CD84: variants seen among roughly 807,000 people sequenced by gnomAD.
CD84 encodes the protein SLAM family member 5.
In CD84, 22 loss-of-function variants were observed where a neutral mutation model predicts 33.8. The ratio of observed to expected loss-of-function variants is 0.65; its 90% CI spans 0.46 to 0.93. The LOEUF is 0.93. CD84 is among the 40% of genes least tolerant of loss of function. The pLI is 0.00. For missense variants in CD84, 400 were observed against 397.6 expected (o/e 1.01, Z -0.05); for synonymous variants, 154 against 145.2 (o/e 1.06, Z -0.44).
At chr1:160,551,248 C>G in intron 4 of CD84, 1 of 525,846 alleles carries the variant, frequency 1.9e-6, no homozygotes, top group Non-Finnish European at 3.4e-6. Flanking sequence ...CTCTTCTACT[C>G]TAGAGTCCAG....
At chr1:160,555,383 A>G (rs1656543424) in intron 2 of CD84, among the ~76,000 whole-genome samples, 1 of 152,148 alleles carries the variant, frequency 6.6e-6, no homozygotes, top group Non-Finnish European at 1.5e-5. Context: ...GCACCCAGCC[A>G]AAATAATCTT....
intron 2 of CD84, among the ~76,000 whole-genome samples, chr1:160,556,395 A>T (rs952451948): frequency 6.6e-6 from 1 of 152,134 alleles, no homozygotes; most frequent in Non-Finnish European, 1.5e-5. Flanking sequence ...GAGGGTAAAA[A>T]TTTTTCCCTA....
At chr1:160,569,263 C>T (rs980581745) in intron 1 of CD84, among the ~76,000 whole-genome samples, 3 of 152,146 alleles carry the variant, frequency 2.0e-5, no homozygotes, top group Non-Finnish European at 4.4e-5. Context: ...CTTTATTCTG[C>T]TCTTAAAAGA....
intron 6 of CD84, 109 bp from the exon 7 acceptor site, chr1:160,548,430 A>C (rs1314731112): frequency 8.9e-7 from 1 of 1,119,608 alleles, no homozygotes; most frequent in Non-Finnish European, 1.3e-6. Flanking sequence ...GGAATGCCTT[A>C]GATTTGCCTC....
intron 1 of CD84, among the ~76,000 whole-genome samples, chr1:160,576,509 A>G (rs1657999350): frequency 6.6e-6 from 1 of 152,152 alleles, no homozygotes. Context: ...GGGTATAGAG[A>G]AAGGCACAGA....
intron 1 of CD84, among the ~76,000 whole-genome samples, chr1:160,575,470 G>T (rs1409096510): frequency 2.0e-5 from 3 of 149,836 alleles, no homozygotes; most frequent in Admixed American, 6.7e-5. Context: ...TGGGATTTAG[G>T]TTTACTTGAA....
At chr1:160,578,605 A>G (rs114823986) in intron 1 of CD84, among the ~76,000 whole-genome samples, 1,618 of 152,306 alleles carry the variant, frequency 0.011, 13 homozygotes, top group East Asian at 0.025. Flanking sequence ...AGTTCCAAAC[A>G]TAGTAAATTT....
At chr1:160,550,333 G>GCACAGCA (rs1451393106) in intron 5 of CD84, among the ~76,000 whole-genome samples, 1 of 152,032 alleles carries the variant, frequency 6.6e-6, no homozygotes, top group Non-Finnish European at 1.5e-5. Flanking sequence ...GACTGACCAG[G>GCACAGCA]CAGACCTCAG....
At chr1:160,551,103 A>G (rs1656188462) in intron 4 of CD84, 68 bp from the exon 5 acceptor site, 11 of 1,137,792 alleles carry the variant, frequency 9.7e-6, no homozygotes, top group Admixed American at 7.1e-5. Context: ...ATCTATTCCA[A>G]TGTTCTCTTT....
At chr1:160,552,221 T>G (rs1656279172) in intron 4 of CD84, among the ~76,000 whole-genome samples, 1 of 152,168 alleles carries the variant, frequency 6.6e-6, no homozygotes, top group Non-Finnish European at 1.5e-5. Flanking sequence ...CCCTTTCTCT[T>G]CCCAAGAGTC....
Position 160,543,062 on chromosome 1 carries a change from C to A in CD84, c.*5194G>T, listed in dbSNP as rs925162194. 5 of 152,068 alleles carry A rather than the reference C, an allele frequency of 3.3e-5. No homozygotes were observed. The highest frequency in any genetic ancestry group is 4.8e-5 in the African/African-American group (2 of 41,388). 9.4% of individuals were successfully genotyped at this position (152,068 alleles called of 1,614,324 possible). On this transcript the variant is annotated 3_prime_UTR_variant, in exon 7 of 7. Transcript: ENST00000368054. Reference sequence around the variant, plus strand: ...TCATCAGAATGTTTATGACCTGAAACCCCTGCCTGTCCAAAATGCATATAG... The same window carrying A: ...TCATCAGAATGTTTATGACCTGAAAACCCTGCCTGTCCAAAATGCATATAG...
In CD84 at chr1:160,550,964, T is replaced by C. The variant is rs1490685415; in HGVS notation, c.832A>G (p.Ile278Val). 1 of 1,614,004 alleles carries C rather than the reference T, an allele frequency of 6.2e-7. No homozygotes were observed. The highest frequency in any genetic ancestry group is 8.5e-7 in the Non-Finnish European group (1 of 1,179,962). ...TTGGACTGCAGGATTTCATCATAGA[T>C]TCTGGACTCTGCTGGCTGGGTGTTC... ...SRNTQPAESR[I>V]YDEILQSKVL... The change falls in exon 5 of 7, where the codon ATC becomes GTC. Residue 278 changes from isoleucine to valine, a missense_variant. By Grantham distance (29) the Ile-to-Val change is conservative (BLOSUM62 3). Transcript: ENST00000368054.
chr1:160,568,312 G>A (rs1472040057), intron 1 of CD84, among the ~76,000 whole-genome samples: 1 of 152,092 alleles, frequency 6.6e-6, no homozygotes, highest in Non-Finnish European at 1.5e-5. Context: ...AGTCATTCAG[G>A]AAGTGTTGGT....
intron 1 of CD84, among the ~76,000 whole-genome samples, chr1:160,574,999 T>C (rs1489875684): frequency 6.6e-6 from 1 of 152,128 alleles, no homozygotes; most frequent in East Asian, 1.9e-4. Flanking sequence ...TGGGGAGATG[T>C]TAAAGTCAGC....
intron 1 of CD84, among the ~76,000 whole-genome samples, chr1:160,574,909 T>C (rs1438172756): frequency 1.3e-5 from 2 of 152,156 alleles, no homozygotes; most frequent in African/African-American, 4.8e-5. Context: ...ATGTTTGCTA[T>C]GTAAAACAAA....
chr1:160,556,387 G>A (rs1334152443), intron 2 of CD84, among the ~76,000 whole-genome samples: 2 of 152,142 alleles, frequency 1.3e-5, no homozygotes, highest in African/African-American at 4.8e-5. Flanking sequence ...TATAACATGA[G>A]GGTAAAAATT....
chr1:160,570,538 G>T (rs950538937), intron 1 of CD84, among the ~76,000 whole-genome samples: 1 of 152,158 alleles, frequency 6.6e-6, no homozygotes, highest in African/African-American at 2.4e-5. Context: ...AATAAAAATG[G>T]AAGTGTTGTA....
At chr1:160,559,834 G>A (rs1482648148) in intron 2 of CD84, among the ~76,000 whole-genome samples, 1 of 151,984 alleles carries the variant, frequency 6.6e-6, no homozygotes, top group Non-Finnish European at 1.5e-5. Flanking sequence ...TACAATCCTA[G>A]TTTCTGACAA....
intron 4 of CD84, chr1:160,551,346 A>G: frequency 3.1e-6 from 1 of 318,042 alleles, no homozygotes; most frequent in South Asian, 3.3e-5. Context: ...CATGTTTCTG[A>G]CACTTACCAC....
Sources: gnomAD v4.1 joint callset for allele counts (sites outside exome capture counted in the v4.1 genomes callset) on GRCh38, gnomAD v4.1.1 for gene constraint, MANE v1.5 for transcripts, NCBI Gene and HGNC (gene_info 2026-07-23, HGNC 2026-07-21) for gene names.